MAPKBP1: variants seen among roughly 807,000 people sequenced by gnomAD.
MAPKBP1 encodes the protein mitogen-activated protein kinase binding protein 1.
A neutral mutation model predicts 170.5 loss-of-function variants in MAPKBP1; 71 were observed. The ratio of observed to expected loss-of-function variants is 0.42; its 90% CI spans 0.34 to 0.51. The LOEUF (loss-of-function observed/expected upper bound fraction) is 0.51. Among genes scored for constraint, MAPKBP1 ranks in the 20% least tolerant of loss-of-function variants. MAPKBP1 has a pLI of 0.06. For synonymous variants in MAPKBP1, 719 were observed against 757.9 expected (o/e 0.95, Z 0.84); for missense variants, 1,598 against 1,933.0 (o/e 0.83, Z 3.25).
rs2064873671 is a variant in MAPKBP1, at chr15:41,815,399, C to T, written c.1311C>T (p.Leu437=). 1 of 1,614,206 alleles carries T rather than the reference C, an allele frequency of 6.2e-7. No homozygotes were observed. The highest frequency in any genetic ancestry group is 1.1e-5 in the South Asian group (1 of 91,084). Reference sequence around the variant, plus strand: ...GCTCCACCCTCCACCGAAACATCCTCAGCAGTGTGAGCCCTGAGGCTGTGG... The same window carrying T: ...GCTCCACCCTCCACCGAAACATCCTTAGCAGTGTGAGCCCTGAGGCTGTGG... ...VHGSTLHRNI[L]SSDLIKIIYV... The change falls in exon 11 of 31, where the codon CTC becomes CTT. Residue 437 remains leucine, a synonymous_variant. Transcript: ENST00000457542.
At position 41,774,501 on chromosome 15, in the gene MAPKBP1, A is replaced by G. The variant is rs969887401; in HGVS notation, c.-219A>G. The G allele has an allele frequency of 2.0e-5, 8 of 398,374 alleles. No individual in the cohort carries two copies. The highest frequency in any genetic ancestry group is 1.2e-4 in the African/African-American group (6 of 48,628). The allele number at this position is 398,374 out of a possible 1,614,324, so 24.7% of individuals were successfully genotyped here. On this transcript the variant is annotated 5_prime_UTR_variant, in exon 1 of 31. Transcript: ENST00000457542. ...CGCGTTTTGAGCCGATCGTGCCACCATAGCTCCTGCTGCTGCCTCTACCGC... is the reference window on the plus strand; with the variant it reads ...CGCGTTTTGAGCCGATCGTGCCACCGTAGCTCCTGCTGCTGCCTCTACCGC...
At position 41,827,764 on chromosome 15, in the gene MAPKBP1, TCATCCTCGGCTG is replaced by T. The variant is rs557877605; in HGVS notation, c.*2332_*2343del. On this transcript the variant is annotated 3_prime_UTR_variant, in exon 31 of 31. Coordinates refer to ENST00000457542, the MANE Select transcript of MAPKBP1 (RefSeq NM_014994.3). Reference sequence around the variant, plus strand: ...TGTGCAGGTCGCGGCGCTTCCTGCCTCATCCTCGGCTGCATGGGGCGGGGGCGCTGTTTTTAA... The same window carrying T: ...TGTGCAGGTCGCGGCGCTTCCTGCCTCATGGGGCGGGGGCGCTGTTTTTAA... 1.1e-3 allele frequency: 243 copies of T among 222,770 alleles called. 1 individual carries two copies. The highest frequency in any genetic ancestry group is 5.3e-3 in the African/African-American group (234 of 44,044). The allele number at this position is 222,770 out of a possible 1,614,324, so 13.8% of individuals were successfully genotyped here.
chr15:41,798,570 A>G (rs1354619310), intron 2 of MAPKBP1, among the ~76,000 whole-genome samples: 1 of 152,092 alleles, frequency 6.6e-6, no homozygotes, highest in Non-Finnish European at 1.5e-5. Context: ...GGCGTGAGCA[A>G]TTGTACCTGG....
intron 2 of MAPKBP1, among the ~76,000 whole-genome samples, chr15:41,783,293 C>T (rs763246853): frequency 6.6e-6 from 1 of 152,200 alleles, no homozygotes; most frequent in African/African-American, 2.4e-5. Context: ...TAGCATACAA[C>T]TGACCTTGTT....
intron 2 of MAPKBP1, among the ~76,000 whole-genome samples, chr15:41,793,844 AAG>A (rs756836698): frequency 6.6e-6 from 1 of 152,232 alleles, no homozygotes; most frequent in African/African-American, 2.4e-5. Context: ...AGCAGTCAGA[AAG>A]AGGGGTACTC....
chr15:41,813,480 C>T (rs1339015093), intron 8 of MAPKBP1, 141 bp from the exon 9 acceptor site: 4 of 1,403,160 alleles, frequency 2.9e-6, no homozygotes, highest in Non-Finnish European at 3.0e-6. Context: ...CTGAGGGGCT[C>T]AGAACAGGGC....
At chr15:41,777,037 A>T (rs1203446850) in intron 2 of MAPKBP1, among the ~76,000 whole-genome samples, 1 of 152,192 alleles carries the variant, frequency 6.6e-6, no homozygotes, top group Non-Finnish European at 1.5e-5. Flanking sequence ...AAGTCAGTTC[A>T]GAGGAATTAG....
chr15:41,815,140 G>GGCACTGGTCACACTGGGCTAAGTGT, intron 10 of MAPKBP1, 119 bp from the exon 11 acceptor site: 1 of 1,206,262 alleles, frequency 8.3e-7, no homozygotes, highest in Non-Finnish European at 1.2e-6. Flanking sequence ...GCCTGTGACA[G>GGCACTGGTCACACTGGGCTAAGTGT]GCACTGGGCT....
At chr15:41,800,562 T>G (rs2064573809) in intron 3 of MAPKBP1, among the ~76,000 whole-genome samples, 1 of 152,124 alleles carries the variant, frequency 6.6e-6, no homozygotes, top group Non-Finnish European at 1.5e-5. Flanking sequence ...GTTGAACTCC[T>G]GAGCTCAAGC....
Position 41,815,579 on chromosome 15 carries a change from C to G in MAPKBP1, c.1318-45C>G, listed in dbSNP as rs1261704940. 1 of 1,585,942 alleles carries G rather than the reference C, an allele frequency of 6.3e-7. No homozygotes were observed. The highest frequency in any genetic ancestry group is 1.1e-5 in the South Asian group (1 of 87,964). On this transcript the variant is annotated intron_variant, in intron 11 of 30. Coordinates refer to ENST00000457542, the MANE Select transcript of MAPKBP1 (RefSeq NM_014994.3). ...AGCTTTCTTGCCCCTTGCAGCTGTA[C>G]TGGTCAGGCCTGCCTCATCCACCTT...
rs1261130061 is a variant in MAPKBP1 at position 41,824,008 on chromosome 15, C to T, written c.4160C>T (p.Thr1387Ile). 2 of 1,612,384 alleles carry T rather than the reference C, an allele frequency of 1.2e-6. No homozygotes were observed. The highest frequency in any genetic ancestry group is 1.7e-6 in the Non-Finnish European group (2 of 1,179,974). Residue 1387 changes from threonine to isoleucine, a missense_variant, in exon 29 of 31, where the codon ACT (threonine) becomes ATT (isoleucine). Thr to Ile is a moderately conservative substitution (Grantham distance 89). Coordinates refer to ENST00000457542, the MANE Select transcript of MAPKBP1 (RefSeq NM_014994.3). ...ENLQPPPPEK[T>I]PNPMECTKPG... ...TTGCAGCCCCCACCCCCTGAGAAGA[C>T]TCCCAACCCCATGGAATGCACCAAG... is the stretch of plus-strand genomic sequence containing the variant.
At chr15:41,787,845 A>G (rs994404492) in intron 2 of MAPKBP1, among the ~76,000 whole-genome samples, 5 of 152,162 alleles carry the variant, frequency 3.3e-5, no homozygotes, top group Admixed American at 6.5e-5. Flanking sequence ...TCCTGCCACA[A>G]CTTCTAGGGG....
intron 29 of MAPKBP1, 32 bp from the exon 30 acceptor site, chr15:41,824,451 TG>T: frequency 6.4e-7 from 1 of 1,552,848 alleles, no homozygotes; most frequent in Non-Finnish European, 8.7e-7. Context: ...GGCTACATGC[TG>T]GGCCTCACTG....
chr15:41,786,777 A>AAAAAAAAAATATAT, intron 2 of MAPKBP1, among the ~76,000 whole-genome samples: 2 of 32,468 alleles, frequency 6.2e-5, no homozygotes, highest in South Asian at 9.9e-4. Flanking sequence ...AAAAAAAAAA[A>AAAAAAAAAATATAT]ATATATATAT....
At chr15:41,786,012 C>T (rs1414682540) in intron 2 of MAPKBP1, among the ~76,000 whole-genome samples, 1 of 152,058 alleles carries the variant, frequency 6.6e-6, no homozygotes, top group Non-Finnish European at 1.5e-5. Context: ...GATTGGTGTA[C>T]ATCAATAAGA....
chr15:41,812,971 G>A lies in MAPKBP1; in HGVS notation c.689G>A (p.Arg230Gln), dbSNP rs544133299. The A allele has an allele frequency of 9.9e-6, 16 of 1,613,450 alleles. No homozygotes were observed. The highest frequency in any genetic ancestry group is 1.7e-4 in the Middle Eastern group (1 of 6,054). ...CGCTCAGGGCTGCTGGGAGAGCTAC[G>A]GAACAACCTATTCACTGATGTGGCC... ...LGRSGLLGELRNNLFTDVACG... is the reference protein window; with the variant it reads ...LGRSGLLGELQNNLFTDVACG... The change falls in exon 8 of 31, where the codon CGG becomes CAG. Residue 230 changes from arginine to glutamine, a missense_variant. Physicochemically the swap from Arg to Gln is conservative, Grantham distance 43 (BLOSUM62 1). This residue lies in a region of MAPKBP1 where 430 missense variants were observed against 617.2 expected (regional missense o/e 0.70). Coordinates refer to ENST00000457542, the MANE Select transcript of MAPKBP1 (RefSeq NM_014994.3).
Position 41,823,921 on chromosome 15 carries a change from G to T in MAPKBP1, c.4073G>T (p.Gly1358Val). Residue 1358 changes from glycine to valine, a missense_variant, in exon 29 of 31, where the codon GGG (glycine) becomes GTG (valine). Gly to Val is a moderately radical substitution (Grantham distance 109, BLOSUM62 -3). Transcript: ENST00000457542. ...AGGACAGAGTGCCAGGCTCATCCTG[G>T]GCCCAGCAGCCCCTGTGCCCAGCAA... ...KPRTECQAHPGPSSPCAQQLP... is the reference protein window; with the variant it reads ...KPRTECQAHPVPSSPCAQQLP... 2.5e-6 allele frequency: 4 copies of T among 1,614,050 alleles called. No individual in the cohort carries two copies. The highest frequency in any genetic ancestry group is 3.4e-6 in the Non-Finnish European group (4 of 1,180,000).
At chr15:41,775,448 C>T (rs2064081909) in intron 2 of MAPKBP1, 59 bp downstream of exon 2, 39 of 1,237,614 alleles carry the variant, frequency 3.2e-5, no homozygotes, top group South Asian at 4.9e-5. Flanking sequence ...CCATGTTCCT[C>T]GTTAACCTTC....
In MAPKBP1 at chr15:41,820,874, A is replaced by G; in HGVS notation, c.2524A>G (p.Asn842Asp). 6.2e-7 allele frequency: 1 copy of G among 1,614,068 alleles called. No individual in the cohort carries two copies. The highest frequency in any genetic ancestry group is 1.7e-4 in the Middle Eastern group (1 of 6,060). Residue 842 changes from asparagine to aspartate, a missense_variant, in exon 23 of 31, where the codon AAC becomes GAC. By Grantham distance (23) the Asn-to-Asp change is conservative. Transcript: ENST00000457542. ...GTTCCTGGACCCAGCTCCTGCAGCC[A>G]ACCCAGGACCCAGAAGAAGAGGGCG... Reference protein sequence around the residue: ...VGFLDPAPAANPGPRRRGRWV... With the variant: ...VGFLDPAPAADPGPRRRGRWV...
Sources: gnomAD v4.1 joint callset for allele counts (sites outside exome capture counted in the v4.1 genomes callset) on GRCh38, gnomAD v4.1.1 for gene constraint, gnomAD v4.1.1 regional missense constraint, MANE v1.5 for transcripts, NCBI Gene and HGNC (gene_info 2026-07-23, HGNC 2026-07-21) for gene names.